DNAH7: variants seen among roughly 807,000 people sequenced by gnomAD.
The protein encoded by DNAH7 is axonemal beta dynein heavy chain 7.
Under a neutral mutation model 444.6 loss-of-function variants are expected in DNAH7, and 397 were observed. The observed-to-expected ratio is 0.89, with a 90% confidence interval of 0.82 to 0.97. The LOEUF (loss-of-function observed/expected upper bound fraction) is 0.97, where lower values mean the gene tolerates loss of function less well. Ranked by LOEUF, DNAH7 falls within the 50% of genes least tolerant of loss-of-function variation. The pLI, the probability that DNAH7 is intolerant of heterozygous loss-of-function variation, is 0.00. For synonymous variants in DNAH7, 1,636 were observed against 1,624.4 expected (o/e 1.01, Z -0.17); for missense variants, 4,902 against 4,800.8 (o/e 1.02, Z -0.62).
At chr2:196,037,542 A>G (rs1422566973) in intron 5 of DNAH7, among the ~76,000 whole-genome samples, 1 of 152,214 alleles carries the variant, frequency 6.6e-6, no homozygotes, top group African/African-American at 2.4e-5. Flanking sequence ...ATTTAATGAA[A>G]GGATAGATGT....
At chr2:195,937,352 T>G (rs916373870) in intron 19 of DNAH7, among the ~76,000 whole-genome samples, 2 of 152,178 alleles carry the variant, frequency 1.3e-5, no homozygotes, top group South Asian at 2.1e-4. Flanking sequence ...GCTGAAGGAC[T>G]GAAGTTCAAG....
At position 195,847,118 on chromosome 2, in the gene DNAH7, G is replaced by GGATATATATATATCTTATATATATATCA. The variant is rs1559140907; in HGVS notation, c.8782-1981_8782-1954dup. On this transcript the variant is annotated intron_variant, in intron 46 of 64. Coordinates refer to ENST00000312428, the MANE Select transcript of DNAH7 (RefSeq NM_018897.3). ...CTGATTCTTCAGATGGTGGGATATC[G>GGATATATATATATCTTATATATATATCA]GATATATATATATCTTATATATATA... 1.0e-4 allele frequency among the ~76,000 whole-genome samples: 14 copies of GGATATATATATATCTTATATATATATCA among 136,486 alleles called. 1 individual carries two copies. Among genetic ancestry groups the GGATATATATATATCTTATATATATATCA allele is most frequent in the South Asian group, 4.5e-4 (2 of 4,446 alleles). 89.5% of individuals were successfully genotyped at this position (136,486 alleles called of 152,430 possible).
intron 10 of DNAH7, among the ~76,000 whole-genome samples, chr2:196,005,457 A>T (rs1388246603): frequency 1.3e-5 from 2 of 152,096 alleles, no homozygotes; most frequent in Non-Finnish European, 2.9e-5. Context: ...AAAACTCATG[A>T]ACTTATAGTT....
chr2:195,771,647 T>C lies in DNAH7; in HGVS notation c.11433+13A>G. 1.3e-6 allele frequency: 2 copies of C among 1,597,864 alleles called. No individual in the cohort carries two copies. The highest frequency in any genetic ancestry group is 1.7e-6 in the Non-Finnish European group (2 of 1,166,130). On this transcript the variant is annotated intron_variant, in intron 61 of 64. Coordinates refer to ENST00000312428, the MANE Select transcript of DNAH7 (RefSeq NM_018897.3). ...AATTTAATGGGGGTTTTTTTTGGTG[T>C]TTTTCACCTTACCTTGATTGCTTTT...
At chr2:195,864,077 T>C (rs1306993397) in intron 41 of DNAH7, 72 bp downstream of exon 41, 2 of 1,494,142 alleles carry the variant, frequency 1.3e-6, no homozygotes, top group East Asian at 4.6e-5. Context: ...GTTGGGAATC[T>C]ATAAAATAAG....
chr2:196,010,316 A>C (rs1414070608), intron 10 of DNAH7, among the ~76,000 whole-genome samples: 1 of 151,868 alleles, frequency 6.6e-6, no homozygotes, highest in Non-Finnish European at 1.5e-5. Context: ...CACCCTGCTA[A>C]TTTTTGTATT....
intron 17 of DNAH7, among the ~76,000 whole-genome samples, chr2:195,968,511 T>G (rs902468014): frequency 6.6e-6 from 1 of 151,966 alleles, no homozygotes; most frequent in Non-Finnish European, 1.5e-5. Context: ...CAAAGCCGTC[T>G]TTTCTCTCCT....
intron 30 of DNAH7, chr2:195,894,018 T>A (rs1399380174): frequency 2.0e-5 from 3 of 148,306 alleles, no homozygotes; most frequent in African/African-American, 2.5e-5. Context: ...AGTGAAAAAA[T>A]GGAAGAAAAA....
Position 195,756,110 on chromosome 2 carries a change from T to C in DNAH7, c.11586+23A>G, listed in dbSNP as rs181695895. 77 of 1,583,216 alleles carry C rather than the reference T, an allele frequency of 4.9e-5. No individual in the cohort carries two copies. The East Asian group carries it at 9.9e-4, about 20-fold the overall frequency. ...TGAAACCAGGAGAAACTTAACAATA[T>C]ACGATCATTTAGACGAACTTACCTG... is the stretch of plus-strand genomic sequence containing the variant. On this transcript the variant is annotated intron_variant, in intron 62 of 64. Transcript: ENST00000312428.
chr2:196,054,613 TA>T (rs967160200), intron 2 of DNAH7, among the ~76,000 whole-genome samples: 3 of 152,202 alleles, frequency 2.0e-5, no homozygotes, highest in African/African-American at 7.2e-5. Context: ...CTCCACCTAC[TA>T]AATCAGTCTT....
At chr2:195,844,122 A>G (rs1169341898) in intron 47 of DNAH7, among the ~76,000 whole-genome samples, 2 of 152,010 alleles carry the variant, frequency 1.3e-5, no homozygotes, top group Non-Finnish European at 2.9e-5. Context: ...CCCAAAAACC[A>G]TATACATAAA....
intron 63 of DNAH7, among the ~76,000 whole-genome samples, chr2:195,743,951 T>C (rs1693210360): frequency 6.6e-6 from 1 of 152,178 alleles, no homozygotes; most frequent in African/African-American, 2.4e-5. Flanking sequence ...AGACAGGTGA[T>C]TTCTGCATTT....
At chr2:195,923,479 C>T in intron 23 of DNAH7, 116 bp downstream of exon 23, 1 of 920,252 alleles carries the variant, frequency 1.1e-6, no homozygotes, top group South Asian at 1.6e-5. Flanking sequence ...GTATAGTCTG[C>T]CATCAGCAAA....
At chr2:195,952,214 T>C (rs1439144791) in intron 19 of DNAH7, among the ~76,000 whole-genome samples, 1 of 152,234 alleles carries the variant, frequency 6.6e-6, no homozygotes, top group Admixed American at 6.5e-5. Flanking sequence ...GGATATAAAA[T>C]TCTAGGTTGA....
At position 196,055,401 on chromosome 2, in the gene DNAH7, AGAAAAGAAAAGAAAG is replaced by A. The variant is rs922856694; in HGVS notation, c.78+2638_78+2652del. Among the ~76,000 whole-genome samples, 12 of 152,326 alleles carry A rather than the reference AGAAAAGAAAAGAAAG, an allele frequency of 7.9e-5. No homozygotes were observed. The East Asian group carries it at 1.9e-3, about 24-fold the overall frequency. Reference sequence around the variant, plus strand: ...CCTAAAAAATGGATAACTAAAGATAAGAAAAGAAAAGAAAGGAAAAGAAAAGGAAAGAGTGCAATG... The same window carrying A: ...CCTAAAAAATGGATAACTAAAGATAAGAAAAGAAAAGGAAAGAGTGCAATG... On this transcript the variant is annotated intron_variant, in intron 2 of 64. Transcript: ENST00000312428.
chr2:195,768,410 C>G (rs1272592695), intron 61 of DNAH7, among the ~76,000 whole-genome samples: 1 of 151,584 alleles, frequency 6.6e-6, no homozygotes, highest in Non-Finnish European at 1.5e-5. Context: ...AACTATAAAA[C>G]TATCTCACTC....
chr2:196,045,058 T>A (rs531518114), intron 5 of DNAH7, among the ~76,000 whole-genome samples: 1 of 150,388 alleles, frequency 6.6e-6, no homozygotes, highest in South Asian at 2.1e-4. Flanking sequence ...GAGGATGAGA[T>A]TCTGTCTCAA....
chr2:195,977,564 T>C lies in DNAH7; in HGVS notation c.1834-5098A>G, dbSNP rs1444948022. On this transcript the variant is annotated intron_variant, in intron 15 of 64. Transcript: ENST00000312428. ...GCCTTAAAGAAGAGGTAGAGAGAGATAGGTAGAACCTTATTCAAAAGGATA... is the reference window on the plus strand; with the variant it reads ...GCCTTAAAGAAGAGGTAGAGAGAGACAGGTAGAACCTTATTCAAAAGGATA... Among the ~76,000 whole-genome samples, 3 of 152,198 alleles carry C rather than the reference T, an allele frequency of 2.0e-5. 1 individual carries two copies. Among genetic ancestry groups the C allele is most frequent in the South Asian group, 4.1e-4 (2 of 4,824 alleles).
chr2:195,986,413 T>C (rs575296816), intron 14 of DNAH7, among the ~76,000 whole-genome samples: 4 of 152,332 alleles, frequency 2.6e-5, no homozygotes, highest in African/African-American at 7.2e-5. Context: ...TTTTCTCTGA[T>C]ACCATAATCA....
Sources: allele counts gnomAD v4.1 joint callset (sites outside exome capture counted in the v4.1 genomes callset), GRCh38; gene constraint gnomAD v4.1.1; transcripts MANE v1.5; gene names NCBI Gene and HGNC (gene_info 2026-07-23, HGNC 2026-07-21).